The following GLI2 variants were observed in gnomAD, a reference collection of about 807,000 sequenced individuals.
The protein encoded by GLI2 is GLI family zinc finger 2.
In GLI2, 22 loss-of-function variants were observed where a neutral mutation model predicts 78.9. The ratio of observed to expected loss-of-function variants is 0.28; its 90% CI spans 0.20 to 0.40. The LOEUF (loss-of-function observed/expected upper bound fraction) is 0.40. Among genes scored for constraint, GLI2 ranks in the 10% least tolerant of loss-of-function variants. The pLI, the probability that GLI2 is intolerant of heterozygous loss-of-function variation, is 1.00. For synonymous variants in GLI2, 974 were observed against 963.7 expected, an observed-to-expected ratio of 1.01 and a Z score of -0.20; for missense variants, 2,097 against 2,213.2, an observed-to-expected ratio of 0.95 and a Z score of 1.05.
Position 120,988,225 on chromosome 2 carries a change from T to G in GLI2, c.2260T>G (p.Phe754Val), listed in dbSNP as rs1188395609. The G allele has an allele frequency of 6.3e-7, 1 of 1,591,672 alleles. No homozygotes were observed. Residue 754 changes from phenylalanine (F) to valine (V), a missense_variant, in exon 14 of 14, where the codon TTC becomes GTC. Physicochemically the swap from Phe to Val is conservative, Grantham distance 50 (BLOSUM62 -1). Transcript: ENST00000361492. ...TCCCGCAGGCTCCATCCTGGAAAAC[T>G]TCAGTGGCAGTGGGGGCGGCGGGCC... ...LPGSGSILENFSGSGGGGPAG... is the reference protein window; with the variant it reads ...LPGSGSILENVSGSGGGGPAG...
chr2:120,745,347 G>T (rs1334320713), intron 1 of GLI2, among the ~76,000 whole-genome samples: 3 of 152,222 alleles, frequency 2.0e-5, no homozygotes, highest in Non-Finnish European at 4.4e-5. Context: ...TCTTTTGGAA[G>T]TTTGACCCAC....
intron 1 of GLI2, among the ~76,000 whole-genome samples, chr2:120,765,348 A>T (rs946360916): frequency 6.6e-6 from 1 of 152,234 alleles, no homozygotes; most frequent in African/African-American, 2.4e-5. Context: ...CCGATGGCTG[A>T]CTTTGGTGGT....
At chr2:120,847,222 C>G (rs929245269) in intron 2 of GLI2, among the ~76,000 whole-genome samples, 1 of 152,012 alleles carries the variant, frequency 6.6e-6, no homozygotes, top group East Asian at 1.9e-4. Flanking sequence ...TCAGCAGGCA[C>G]TGTGCTGAGG....
At chr2:120,813,893 A>G (rs1685374500) in intron 2 of GLI2, among the ~76,000 whole-genome samples, 1 of 152,274 alleles carries the variant, frequency 6.6e-6, no homozygotes, top group African/African-American at 2.4e-5. Flanking sequence ...CATTCTTAGA[A>G]GCAGGCTCTT....
rs1553480327 is a variant in GLI2, at chr2:120,992,050, A to ACACC, written c.*1376_*1377insACCC. 2,208 of 146,754 alleles carry ACACC rather than the reference A, an allele frequency of 0.015. 31 individuals carry two copies. Among genetic ancestry groups the ACACC allele is most frequent in the African/African-American group, 0.029 (1,099 of 38,076 alleles). 9.1% of individuals were successfully genotyped at this position (146,754 alleles called of 1,614,324 possible). A position where few individuals can be genotyped will look rare whatever the true frequency, so the allele number is the denominator to read the frequency against. On this transcript the variant is annotated 3_prime_UTR_variant, in exon 14 of 14. Transcript: ENST00000361492. ...CACACACACACACACACACACACAC[A>ACACC]CCCCAAACCTTTTCATGGGGAATGT...
At chr2:120,861,697 G>A (rs1476014752) in intron 2 of GLI2, among the ~76,000 whole-genome samples, 2 of 152,196 alleles carry the variant, frequency 1.3e-5, no homozygotes, top group Non-Finnish European at 2.9e-5. Flanking sequence ...GGGGCCTGCT[G>A]AGCTGAGCCC....
At chr2:120,896,685 A>G (rs1021340694) in intron 2 of GLI2, among the ~76,000 whole-genome samples, 2 of 124,852 alleles carry the variant, frequency 1.6e-5, no homozygotes, top group African/African-American at 6.5e-5. Flanking sequence ...CCACACACTC[A>G]CACACACCCA....
At chr2:120,781,620 CG>C (rs1558792974) in intron 1 of GLI2, among the ~76,000 whole-genome samples, 3 of 151,202 alleles carry the variant, frequency 2.0e-5, no homozygotes, top group Admixed American at 1.3e-4. Context: ...CGGTGGCTTA[CG>C]CCTGTAATCC....
intron 4 of GLI2, among the ~76,000 whole-genome samples, chr2:120,954,978 T>G (rs947540500): frequency 6.6e-6 from 1 of 151,678 alleles, no homozygotes; most frequent in Admixed American, 6.6e-5. Context: ...TAGGGAGAGA[T>G]TGTTTATGAG....
At chr2:120,861,842 C>T (rs1430035254) in intron 2 of GLI2, among the ~76,000 whole-genome samples, 2 of 152,238 alleles carry the variant, frequency 1.3e-5, no homozygotes, top group Non-Finnish European at 2.9e-5. Flanking sequence ...GACTCATTAC[C>T]GCCTGACCAC....
At chr2:120,972,610 T>C in intron 8 of GLI2, 2 of 518,234 alleles carry the variant, frequency 3.9e-6, no homozygotes, top group Non-Finnish European at 7.7e-6. Flanking sequence ...CACTCTAAGC[T>C]TTGGAGAGGT....
Position 120,970,379 on chromosome 2 carries a change from GCT to G in GLI2, c.846-9_846-8del, listed in dbSNP as rs759173548. On this transcript the variant is annotated splice_polypyrimidine_tract_variant and intron_variant, in intron 6 of 13. Transcript: ENST00000361492. ...ATCCCCCACCCCCACTTCCTTGTCT[GCT>G]CTCTGTTGCAGCCCAGCCTTCACCT... 1 of 1,496,190 alleles carries G rather than the reference GCT, an allele frequency of 6.7e-7. No homozygotes were observed. Among genetic ancestry groups the G allele is most frequent in the African/African-American group, 1.4e-5 (1 of 72,390 alleles). The allele number at this position is 1,496,190 out of a possible 1,614,324, so 92.7% of individuals were successfully genotyped here.
Position 120,800,074 on chromosome 2 carries a change from T to C in GLI2, c.148+2606T>C, listed in dbSNP as rs1196391097. On this transcript the variant is annotated intron_variant, in intron 2 of 13. Transcript: ENST00000361492. The surrounding 1 kb of genome is among the most constrained non-coding windows in gnomAD (Gnocchi z 4.1). The stretch of plus-strand genomic sequence containing the variant: ...GAAGTCTTCATGGGCCAGAAGCGTT[T>C]GCTGCAGCCACTGAGGAGTTGGGCA... Among the ~76,000 whole-genome samples the C allele has an allele frequency of 6.6e-6, 1 of 152,132 alleles. No individual in the cohort carries two copies. Among genetic ancestry groups the C allele is most frequent in the East Asian group, 1.9e-4 (1 of 5,194 alleles).
intron 5 of GLI2, among the ~76,000 whole-genome samples, chr2:120,965,400 A>G (rs56011133): frequency 5.9e-3 from 666 of 112,640 alleles, no homozygotes; most frequent in Middle Eastern, 9.8e-3. Context: ...CACTCCAGCC[A>G]GGATGCAGGT....
At chr2:120,842,231 A>G (rs1404831723) in intron 2 of GLI2, among the ~76,000 whole-genome samples, 1 of 152,060 alleles carries the variant, frequency 6.6e-6, no homozygotes, top group Non-Finnish European at 1.5e-5. Flanking sequence ...ATCCTTTGCA[A>G]GAGATTCTAG....
At chr2:120,936,515 C>G (rs17005427) in intron 3 of GLI2, among the ~76,000 whole-genome samples, 10,809 of 152,208 alleles carry the variant, frequency 0.071, 1,283 homozygotes, top group African/African-American at 0.25. Flanking sequence ...CAAGATTGCC[C>G]AGCTTGTGAG....
intron 2 of GLI2, among the ~76,000 whole-genome samples, chr2:120,925,683 C>T (rs1413607032): frequency 2.0e-5 from 3 of 152,042 alleles, no homozygotes; most frequent in Non-Finnish European, 2.9e-5. Flanking sequence ...GTTAGTGTTT[C>T]GTGGGTGCAG....
At position 120,982,517 on chromosome 2, in the gene GLI2, G is replaced by A. The variant is rs937790770; in HGVS notation, c.1468-199G>A. ...CAGCAGTAGCAGCCCCTGGGCGACC[G>A]GTGGTTTTCATTTTTCTCTTTGTAC... On this transcript the variant is annotated intron_variant, in intron 10 of 13. Coordinates refer to ENST00000361492, the MANE Select transcript of GLI2 (RefSeq NM_001374353.1). Among the ~76,000 whole-genome samples the A allele has an allele frequency of 4.6e-5, 7 of 152,134 alleles. 1 individual carries two copies. Among genetic ancestry groups the A allele is most frequent in the South Asian group, 4.2e-4 (2 of 4,814 alleles).
At chr2:120,790,851 G>A (rs1684133241) in intron 1 of GLI2, among the ~76,000 whole-genome samples, 1 of 152,156 alleles carries the variant, frequency 6.6e-6, no homozygotes, top group Non-Finnish European at 1.5e-5. Flanking sequence ...CTGAGGAGCT[G>A]GTGGAGTCCC....
Sources: gnomAD v4.1 joint callset for allele counts (sites outside exome capture counted in the v4.1 genomes callset) on GRCh38, gnomAD v4.1.1 for gene constraint, Gnocchi (gnomAD v3.1) non-coding constraint, MANE v1.5 for transcripts, NCBI Gene and HGNC (gene_info 2026-07-23, HGNC 2026-07-21) for gene names.